The following POMGNT1 variants were observed in gnomAD, a reference collection of about 807,000 sequenced individuals.
POMGNT1 encodes protein O-linked-mannose beta-1,2-N-acetylglucosaminyltransferase 1.
Under a neutral mutation model 95.6 loss-of-function variants are expected in POMGNT1, and 67 were observed. That is an observed-to-expected ratio of 0.70 (90% CI 0.58 to 0.86). POMGNT1 has a LOEUF of 0.86. POMGNT1 is among the 40% of genes least tolerant of loss of function. POMGNT1 has a pLI of 0.00. For synonymous variants in POMGNT1, 298 were observed against 317.9 expected (o/e 0.94, Z 0.66); for missense variants, 719 against 855.2 (o/e 0.84, Z 1.99).
chr1:46,208,976 T>TA (rs1220228011), intron 1 of POMGNT1, among the ~76,000 whole-genome samples: 5 of 152,180 alleles, frequency 3.3e-5, no homozygotes, highest in African/African-American at 1.2e-4. Flanking sequence ...AACTCAGACC[T>TA]AAAAAATGCT....
chr1:46,188,718 C>T lies in POMGNT1; in HGVS notation c.*552G>A, dbSNP rs1341836433. The T allele has an allele frequency of 1.9e-6, 3 of 1,602,656 alleles. No individual in the cohort carries two copies. The highest frequency in any genetic ancestry group is 2.6e-6 in the Non-Finnish European group (3 of 1,172,616). On this transcript the variant is annotated 3_prime_UTR_variant, in exon 22 of 22. Coordinates refer to ENST00000371984, the MANE Select transcript of POMGNT1 (RefSeq NM_017739.4). ...TTCTCCTTTTTTAATCAATGACCAA[C>T]TTATCCAGCTTTGGAAATCTGGACA...
intron 21 of POMGNT1, 46 bp from the exon 22 acceptor site, chr1:46,189,403 T>C: frequency 6.2e-7 from 1 of 1,613,966 alleles, no homozygotes; most frequent in Non-Finnish European, 8.5e-7. Context: ...CCATTAGCTA[T>C]ATCCCTGGAT....
chr1:46,196,820 G>A lies in POMGNT1; in HGVS notation c.265C>T (p.Arg89Trp), dbSNP rs143033200. ...CGCCGGGGACCACTGCCTCTGCGCC[G>A]TGGGGGCTCCAGGCGGCCTAGGGCC... The part of the protein sequence containing the change: ...DEALGRLEPP[R>W]RRGSGPRRVL... Residue 89 changes from arginine (R) to tryptophan (W), a missense_variant, in exon 4 of 22, where the codon CGG (arginine) becomes TGG (tryptophan). This residue lies in a region of POMGNT1 where 466 missense variants were observed against 517.4 expected (regional missense o/e 0.90). Coordinates refer to ENST00000371984, the MANE Select transcript of POMGNT1 (RefSeq NM_017739.4). The surrounding 1 kb of genome is among the most constrained non-coding windows in gnomAD (Gnocchi z 4.4). The A allele has an allele frequency of 9.3e-6, 15 of 1,614,188 alleles. No homozygotes were observed. Among genetic ancestry groups the A allele is most frequent in the Middle Eastern group, 1.6e-4 (1 of 6,062 alleles).
intron 2 of POMGNT1, 75 bp downstream of exon 2, chr1:46,197,627 T>A (rs906289481): frequency 1.0e-5 from 16 of 1,600,978 alleles, no homozygotes; most frequent in Non-Finnish European, 1.4e-5. Flanking sequence ...CCAACAGGGG[T>A]CCCAGTGCCT....
intron 1 of POMGNT1, among the ~76,000 whole-genome samples, chr1:46,217,607 G>A (rs372057478): frequency 2.0e-5 from 3 of 152,020 alleles, no homozygotes; most frequent in East Asian, 1.9e-4. Flanking sequence ...TTGTAATCCC[G>A]GCACTTTGGA....
At chr1:46,197,553 T>A (rs1571672046) in intron 2 of POMGNT1, 149 bp downstream of exon 2, 7 of 1,552,804 alleles carry the variant, frequency 4.5e-6, no homozygotes, top group Non-Finnish European at 6.1e-6. Context: ...TCATTACCTA[T>A]AGGGACATGA....
intron 1 of POMGNT1, among the ~76,000 whole-genome samples, chr1:46,210,752 C>T (rs149566730): frequency 1.1e-3 from 174 of 152,214 alleles, no homozygotes; most frequent in African/African-American, 4.0e-3. Flanking sequence ...GCTACTTGGA[C>T]GCTCTCTGAA....
chr1:46,191,736 G>A (rs1321419627), intron 17 of POMGNT1: 7 of 346,440 alleles, frequency 2.0e-5, no homozygotes, highest in African/African-American at 1.1e-4. Flanking sequence ...CTGGGTTCAC[G>A]CCATTCTCCT....
At chr1:46,192,271 G>C in intron 16 of POMGNT1, 37 bp downstream of exon 16, 1 of 1,614,154 alleles carries the variant, frequency 6.2e-7, no homozygotes, top group Non-Finnish European at 8.5e-7. Flanking sequence ...CGAGTTGGTA[G>C]GGGACTCCAG....
Position 46,195,938 on chromosome 1 carries a change from T to C in POMGNT1, c.421-14A>G, listed in dbSNP as rs1658204195. The stretch of plus-strand genomic sequence containing the variant: ...CATCACGTGGCCCTGGCAGGGGATA[T>C]ACTTCTGGTGAGTTGGTGTCATCAG... On this transcript the variant is annotated splice_polypyrimidine_tract_variant and intron_variant, in intron 5 of 21. Coordinates refer to ENST00000371984, the MANE Select transcript of POMGNT1 (RefSeq NM_017739.4). 1.2e-6 allele frequency: 2 copies of C among 1,614,124 alleles called. No individual in the cohort carries two copies. The highest frequency in any genetic ancestry group is 1.7e-6 in the Non-Finnish European group (2 of 1,180,002).
chr1:46,194,506 C>A, intron 8 of POMGNT1, 47 bp downstream of exon 8: 1 of 1,614,154 alleles, frequency 6.2e-7, no homozygotes, highest in Non-Finnish European at 8.5e-7. Context: ...ATCTAAATGC[C>A]CACCCCCAGC....
rs138588408 is a variant in POMGNT1, at chr1:46,195,771, G to T, written c.534+40C>A. 2.1e-4 allele frequency: 324 copies of T among 1,533,774 alleles called. No homozygotes were observed. The African/African-American group carries it at 3.9e-3, about 18-fold the overall frequency. ...AGCCGGGGCTAGAAGCAGGGTTGGA[G>T]CTAGGGAGTAGGGGTCAGGGTCAGG... On this transcript the variant is annotated intron_variant, in intron 6 of 21. Coordinates refer to ENST00000371984, the MANE Select transcript of POMGNT1 (RefSeq NM_017739.4).
In POMGNT1 at chr1:46,189,823, G is replaced by T. The variant is rs78405727; in HGVS notation, c.1785+31C>A. The T allele has an allele frequency of 0.026, 41,604 of 1,612,978 alleles. 1,076 individuals are homozygous for T. The highest frequency in any genetic ancestry group is 0.12 in the African/African-American group (9,259 of 75,026). On this transcript the variant is annotated intron_variant, in intron 20 of 21. Coordinates refer to ENST00000371984, the MANE Select transcript of POMGNT1 (RefSeq NM_017739.4). ...GGCAGTATGTGTGTGAGGGGGAGGG[G>T]TTCTCCAGGGTGGGCATGGTATTGG...
Position 46,195,060 on chromosome 1 carries a change from C to T in POMGNT1, c.535-99G>A. The T allele has an allele frequency of 3.9e-6, 4 of 1,028,648 alleles. No homozygotes were observed. In the Admixed American group the frequency reaches 6.8e-5, roughly 18 times the overall value. 63.7% of individuals were successfully genotyped at this position (1,028,648 alleles called of 1,614,324 possible). The stretch of plus-strand genomic sequence containing the variant: ...TGTAGCAACCTTTTACTTAAAATAG[C>T]TCATTACATTATTGCAATAACCCTC... On this transcript the variant is annotated intron_variant, in intron 6 of 21. Transcript: ENST00000371984.
Position 46,197,797 on chromosome 1 carries a change from G to A in POMGNT1, c.25C>T (p.Leu9Phe), listed in dbSNP as rs1214265015. The change falls in exon 2 of 22, where the codon CTC (leucine) becomes TTC (phenylalanine). Residue 9 changes from leucine to phenylalanine, a missense_variant. By Grantham distance (22) the Leu-to-Phe change is conservative. This residue lies in a region of POMGNT1 where 466 missense variants were observed against 517.4 expected (regional missense o/e 0.90). Transcript: ENST00000371984. MDDWKPSP[L>F]IKPFGARKKR... ...TTCCGAGCCCCAAAGGGCTTGATGA[G>A]GGGGCTGGGCTTCCAGTCGTCCATA... 1 of 1,614,058 alleles carries A rather than the reference G, an allele frequency of 6.2e-7. No individual in the cohort carries two copies. Among genetic ancestry groups the A allele is most frequent in the African/African-American group, 1.3e-5 (1 of 74,930 alleles).
rs1015653133 is a variant in POMGNT1 at position 46,213,706 on chromosome 1, C to T, written c.-51+5999G>A. Reference sequence around the variant, plus strand: ...CTGCACTCCAGCCTGGACAACGTAGCGAGACTTTGTCTCTACAAAAACTTT... The same window carrying T: ...CTGCACTCCAGCCTGGACAACGTAGTGAGACTTTGTCTCTACAAAAACTTT... On this transcript the variant is annotated intron_variant, in intron 1 of 22. Transcript: ENST00000371992. Among the ~76,000 whole-genome samples, 20 of 151,568 alleles carry T rather than the reference C, an allele frequency of 1.3e-4. No homozygotes were observed. The East Asian group carries it at 1.6e-3, about 12-fold the overall frequency.
chr1:46,211,888 A>C (rs1658908289), intron 1 of POMGNT1, among the ~76,000 whole-genome samples: 1 of 152,054 alleles, frequency 6.6e-6, no homozygotes, highest in Non-Finnish European at 1.5e-5. Flanking sequence ...CAGCCTCCTG[A>C]GTAGCTGGGC....
At chr1:46,190,443 C>G in intron 19 of POMGNT1, 30 bp downstream of exon 19, 2 of 1,559,872 alleles carry the variant, frequency 1.3e-6, no homozygotes, top group Non-Finnish European at 1.8e-6. Flanking sequence ...TCTTTGCTCC[C>G]TGCTACACCC....
rs754169477 is a variant in POMGNT1, at chr1:46,193,546, C to A, written c.1026+18G>T. 16 of 1,614,138 alleles carry A rather than the reference C, an allele frequency of 9.9e-6. No homozygotes were observed. The highest frequency in any genetic ancestry group is 1.4e-5 in the Non-Finnish European group (16 of 1,180,014). On this transcript the variant is annotated intron_variant, in intron 11 of 21. Coordinates refer to ENST00000371984, the MANE Select transcript of POMGNT1 (RefSeq NM_017739.4). ...CCATGTTGTACTCCACCCGAGGCAC[C>A]CCCCAAGTCCTGCTCACCTCATAGT...
Sources: gnomAD v4.1 joint callset for allele counts (sites outside exome capture counted in the v4.1 genomes callset) on GRCh38, gnomAD v4.1.1 for gene constraint, gnomAD v4.1.1 regional missense constraint, Gnocchi (gnomAD v3.1) non-coding constraint, MANE v1.5 for transcripts, NCBI Gene and HGNC (gene_info 2026-07-23, HGNC 2026-07-21) for gene names.